NEXN: variants seen among roughly 807,000 people sequenced by gnomAD.
NEXN encodes nexilin F-actin binding protein, also known as nexilin.
A neutral mutation model predicts 92.6 loss-of-function variants in NEXN; 65 were observed. The ratio of observed to expected loss-of-function variants is 0.70; its 90% CI spans 0.57 to 0.86. The LOEUF is 0.86. NEXN is among the 40% of genes least tolerant of loss of function. NEXN has a pLI of 0.00. For synonymous variants in NEXN, 254 were observed against 242.5 expected, an observed-to-expected ratio of 1.05 and a Z score of -0.44; for missense variants, 778 against 771.1, an observed-to-expected ratio of 1.01 and a Z score of -0.11.
At chr1:77,939,826 C>T (rs1651103643) in intron 11 of NEXN, among the ~76,000 whole-genome samples, 1 of 152,192 alleles carries the variant, frequency 6.6e-6, no homozygotes. Context: ...TAATTCCCAG[C>T]ACTTTGGGAG....
intron 1 of NEXN, among the ~76,000 whole-genome samples, chr1:77,915,606 C>T (rs1026562747): frequency 4.6e-5 from 7 of 152,088 alleles, no homozygotes; most frequent in East Asian, 1.9e-4. Context: ...CCAGCCTGGG[C>T]GACAGAGTGA....
Position 77,925,122 on chromosome 1 carries a change from T to C in NEXN, c.448-66T>C. Reference sequence around the variant, plus strand: ...AAGTCACAACTAAATTACTTTCCAGTTGTTGTTTAAAAGCAAAAAGTAGAA... The same window carrying C: ...AAGTCACAACTAAATTACTTTCCAGCTGTTGTTTAAAAGCAAAAAGTAGAA... On this transcript the variant is annotated intron_variant, in intron 5 of 12. Transcript: ENST00000334785. 2.9e-6 allele frequency: 3 copies of C among 1,020,582 alleles called. No homozygotes were observed. The South Asian group carries it at 4.2e-5, about 14-fold the overall frequency. 63.2% of individuals were successfully genotyped at this position (1,020,582 alleles called of 1,614,324 possible).
intron 5 of NEXN, 48 bp from the exon 6 acceptor site, chr1:77,925,140 A>T (rs1387938390): frequency 7.7e-7 from 1 of 1,306,052 alleles, no homozygotes; most frequent in Non-Finnish European, 1.1e-6. Flanking sequence ...TAAAAGCAAA[A>T]AGTAGAAATC....
intron 1 of NEXN, among the ~76,000 whole-genome samples, chr1:77,894,211 C>G (rs192236645): frequency 8.0e-4 from 121 of 152,192 alleles, no homozygotes; most frequent in African/African-American, 2.8e-3. Flanking sequence ...CCTGCCTCGG[C>G]CTCCCAAAGT....
chr1:77,893,950 C>G (rs1353753520), intron 1 of NEXN, among the ~76,000 whole-genome samples: 1 of 151,868 alleles, frequency 6.6e-6, no homozygotes, highest in African/African-American at 2.4e-5. Flanking sequence ...GCCTCAGCCT[C>G]CCGAGTAGCT....
chr1:77,907,017 C>T (rs1386893862), intron 1 of NEXN, among the ~76,000 whole-genome samples: 1 of 152,110 alleles, frequency 6.6e-6, no homozygotes, highest in African/African-American at 2.4e-5. Context: ...AAATAAATGA[C>T]AATGCTTGTT....
chr1:77,903,240 GAGAA>G (rs1388185631), intron 1 of NEXN, among the ~76,000 whole-genome samples: 4 of 151,656 alleles, frequency 2.6e-5, no homozygotes, highest in Non-Finnish European at 5.9e-5. Flanking sequence ...AAAAAAAAGA[GAGAA>G]ATCAGAACAA....
At chr1:77,895,646 T>G (rs978215370) in intron 1 of NEXN, among the ~76,000 whole-genome samples, 1 of 152,070 alleles carries the variant, frequency 6.6e-6, no homozygotes, top group African/African-American at 2.4e-5. Context: ...GGCGGATCTC[T>G]TGAGGCCAGG....
intron 8 of NEXN, 82 bp downstream of exon 8, chr1:77,926,974 A>G: frequency 6.5e-7 from 1 of 1,548,626 alleles, no homozygotes; most frequent in Non-Finnish European, 8.9e-7. Flanking sequence ...ACAAATTCAA[A>G]GAGATTTTAC....
intron 1 of NEXN, among the ~76,000 whole-genome samples, chr1:77,902,229 C>T (rs1174360089): frequency 6.6e-6 from 1 of 152,090 alleles, no homozygotes; most frequent in Admixed American, 6.6e-5. Context: ...GTTTATGGTA[C>T]ACAATAGGTA....
rs769310411 is a variant in NEXN, at chr1:77,918,036, C to T, written c.296C>T (p.Thr99Ile). ...GAAAAGGCTTATGTTCCAAAATTAA[C>T]AGGTAAGAAGCTTGAGGGGTAAATA... ...KVEKAYVPKL[T>I]GTVKGRFAEM... The change falls in exon 4 of 13, where the codon ACA (threonine) becomes ATA (isoleucine). Residue 99 changes from threonine (T) to isoleucine (I), a missense_variant and splice_region_variant. Thr to Ile is a moderately conservative substitution (Grantham distance 89). Transcript: ENST00000334785. 2 of 1,613,058 alleles carry T rather than the reference C, an allele frequency of 1.2e-6. No homozygotes were observed. The highest frequency in any genetic ancestry group is 1.1e-5 in the South Asian group (1 of 91,054).
chr1:77,942,857 ATTTT>A lies in NEXN; in HGVS notation c.*34_*37del. The A allele has an allele frequency of 1.9e-6, 3 of 1,559,680 alleles. No individual in the cohort carries two copies. The highest frequency in any genetic ancestry group is 1.8e-5 in the Admixed American group (1 of 57,100). On this transcript the variant is annotated 3_prime_UTR_variant, in exon 13 of 13. Coordinates refer to ENST00000334785, the MANE Select transcript of NEXN (RefSeq NM_144573.4). ...ACTCTTTTTATCTTTTATTCTATTA[ATTTT>A]TTTTTCCTTAAAATCACTTTTCTTC...
At chr1:77,897,507 T>G (rs1647327619) in intron 1 of NEXN, among the ~76,000 whole-genome samples, 1 of 152,164 alleles carries the variant, frequency 6.6e-6, no homozygotes, top group African/African-American at 2.4e-5. Flanking sequence ...ATGGGATGTA[T>G]CTCAAAATAA....
chr1:77,935,590 G>T lies in NEXN; in HGVS notation c.1252-233G>T, dbSNP rs570981717. On this transcript the variant is annotated intron_variant, in intron 10 of 12. Coordinates refer to ENST00000334785, the MANE Select transcript of NEXN (RefSeq NM_144573.4). ...GAGAAGAGGTTAAACTGTATTTTTGGTTTCAAATAAGAAATAGTGCACATC... is the reference window on the plus strand; with the variant it reads ...GAGAAGAGGTTAAACTGTATTTTTGTTTTCAAATAAGAAATAGTGCACATC... 1.7e-4 allele frequency among the ~76,000 whole-genome samples: 26 copies of T among 152,270 alleles called. 1 individual carries two copies. The South Asian group carries it at 5.2e-3, about 30-fold the overall frequency.
At chr1:77,928,254 C>T (rs72948004) in intron 8 of NEXN, among the ~76,000 whole-genome samples, 236 of 148,900 alleles carry the variant, frequency 1.6e-3, no homozygotes, top group African/African-American at 5.2e-3. Flanking sequence ...AAGGCTACGG[C>T]GAACTATGAA....
At position 77,941,888 on chromosome 1, in the gene NEXN, AGT is replaced by A. The variant is rs371229362; in HGVS notation, c.1474-132_1474-131del. 925 of 781,556 alleles carry A rather than the reference AGT, an allele frequency of 1.2e-3. 7 individuals carry two copies. In the African/African-American group the frequency reaches 0.014, roughly 12 times the overall value. 48.4% of individuals were successfully genotyped at this position (781,556 alleles called of 1,614,324 possible). Reference sequence around the variant, plus strand: ...GAACTGGAGAGTTAGAAAAAATCTGAGTGTCTGCAGTGTAGCAAAAATATGCA... The same window carrying A: ...GAACTGGAGAGTTAGAAAAAATCTGAGTCTGCAGTGTAGCAAAAATATGCA... On this transcript the variant is annotated intron_variant, in intron 11 of 12. Coordinates refer to ENST00000334785, the MANE Select transcript of NEXN (RefSeq NM_144573.4).
chr1:77,935,451 C>CA (rs1360991882), intron 10 of NEXN, among the ~76,000 whole-genome samples: 2 of 152,218 alleles, frequency 1.3e-5, no homozygotes, highest in East Asian at 3.8e-4. Flanking sequence ...CAAGGAATGT[C>CA]AGAGGATTTT....
intron 1 of NEXN, among the ~76,000 whole-genome samples, chr1:77,909,423 T>TAAAC (rs1255556889): frequency 2.6e-5 from 4 of 151,854 alleles, no homozygotes; most frequent in South Asian, 4.2e-4. Flanking sequence ...TTCATCTCAA[T>TAAAC]AAATAAATAA....
intron 10 of NEXN, 32 bp downstream of exon 10, chr1:77,933,511 T>A (rs1362380827): frequency 1.1e-5 from 16 of 1,427,214 alleles, no homozygotes; most frequent in Non-Finnish European, 1.6e-5. Context: ...ATATTCCCCA[T>A]ATTTATTAAG....
Sources: allele counts gnomAD v4.1 joint callset (sites outside exome capture counted in the v4.1 genomes callset), GRCh38; gene constraint gnomAD v4.1.1; transcripts MANE v1.5; gene names NCBI Gene and HGNC (gene_info 2026-07-23, HGNC 2026-07-21).